The following PLEKHA6 variants were observed in gnomAD, a reference collection of about 807,000 sequenced individuals.
The protein encoded by PLEKHA6 is pleckstrin homology domain containing A6.
PLEKHA6 carries 60 observed loss-of-function variants against 116.7 expected under a neutral mutation model. The observed-to-expected ratio is 0.51, with a 90% CI of 0.42 to 0.64. PLEKHA6 has a LOEUF of 0.64. PLEKHA6 is among the 30% of genes least tolerant of loss of function. The probability of loss-of-function intolerance (pLI) is 0.00; values close to 1 mark genes in which losing one functional copy is unlikely to be tolerated. For synonymous variants in PLEKHA6, 489 were observed against 556.1 expected (o/e 0.88, Z 1.70); for missense variants, 1,338 against 1,422.7 (o/e 0.94, Z 0.96).
At chr1:204,241,004 C>G (rs1196365450) in intron 17 of PLEKHA6, among the ~76,000 whole-genome samples, 1 of 152,190 alleles carries the variant, frequency 6.6e-6, no homozygotes, top group Non-Finnish European at 1.5e-5. Flanking sequence ...CATCGGACTC[C>G]AAGTTCTTCA....
In PLEKHA6 at chr1:204,257,344, G is replaced by A; in HGVS notation, c.1524+9C>T. 1.3e-6 allele frequency: 2 copies of A among 1,558,558 alleles called. No individual in the cohort carries two copies. Among genetic ancestry groups the A allele is most frequent in the Non-Finnish European group, 1.7e-6 (2 of 1,150,552 alleles). ...GGGATGAGGAAGGAAGGGCAGGCTG[G>A]TGGCTCACCTTGGGGGAGCTGATGG... On this transcript the variant is annotated intron_variant, in intron 9 of 22. Transcript: ENST00000272203. This position sits in a 1 kb window ranked among gnomAD's most constrained non-coding sequence, Gnocchi z 6.5.
chr1:204,299,099 C>T (rs2103073776), intron 1 of PLEKHA6, among the ~76,000 whole-genome samples: 1 of 152,312 alleles, frequency 6.6e-6, no homozygotes, highest in East Asian at 1.9e-4. Context: ...TAATTAAATC[C>T]CCTCTGGGGC....
chr1:204,275,887 G>A (rs539664385), intron 1 of PLEKHA6: 10 of 177,462 alleles, frequency 5.6e-5, no homozygotes, highest in South Asian at 3.7e-4. Context: ...CCAAACTCCC[G>A]CAAGGAACAG....
At chr1:204,297,668 A>T (rs1012357216) in intron 1 of PLEKHA6, among the ~76,000 whole-genome samples, 1 of 152,128 alleles carries the variant, frequency 6.6e-6, no homozygotes, top group Non-Finnish European at 1.5e-5. Context: ...GGATTAAGTG[A>T]CTTAATTCAC....
At chr1:204,262,808 G>A (rs1319309219) in intron 6 of PLEKHA6, among the ~76,000 whole-genome samples, 1 of 152,208 alleles carries the variant, frequency 6.6e-6, no homozygotes, top group East Asian at 1.9e-4. Flanking sequence ...GCATGTAGGT[G>A]TGGGAGAGGG....
chr1:204,330,072 A>G (rs1672393528), intron 1 of PLEKHA6, among the ~76,000 whole-genome samples: 1 of 152,208 alleles, frequency 6.6e-6, no homozygotes, highest in Admixed American at 6.5e-5. Flanking sequence ...ATAAACAGTA[A>G]CAGGACAGTT....
At chr1:204,224,280 C>T (rs1462905094) in intron 21 of PLEKHA6, among the ~76,000 whole-genome samples, 1 of 151,806 alleles carries the variant, frequency 6.6e-6, no homozygotes, top group Admixed American at 6.6e-5. Flanking sequence ...TTAAGAATAG[C>T]AAAGTGGAAG....
chr1:204,256,072 A>T (rs974084958), intron 9 of PLEKHA6, among the ~76,000 whole-genome samples: 1 of 152,206 alleles, frequency 6.6e-6, no homozygotes, highest in African/African-American at 2.4e-5. Context: ...TGCTGTGGAC[A>T]CTGGCAGAGT....
chr1:204,248,316 G>A (rs771250159), intron 12 of PLEKHA6, among the ~76,000 whole-genome samples: 23 of 152,028 alleles, frequency 1.5e-4, no homozygotes, highest in Non-Finnish European at 2.9e-4. Flanking sequence ...CACCACAACC[G>A]GCTAATTTTG....
At chr1:204,286,418 G>A (rs1669183036) in intron 1 of PLEKHA6, among the ~76,000 whole-genome samples, 1 of 152,050 alleles carries the variant, frequency 6.6e-6, no homozygotes, top group Admixed American at 6.6e-5. Context: ...AGTACTCTGG[G>A]AGGGGAACAG....
intron 1 of PLEKHA6, chr1:204,313,730 C>G: frequency 1.0e-6 from 1 of 984,634 alleles, no homozygotes; most frequent in African/African-American, 1.7e-5. Context: ...TATCTGTCAT[C>G]TCCCTGGGAG....
chr1:204,225,953 C>T (rs1449216132), intron 21 of PLEKHA6, among the ~76,000 whole-genome samples: 1 of 152,236 alleles, frequency 6.6e-6, no homozygotes, highest in Non-Finnish European at 1.5e-5. Flanking sequence ...AGTCTGCACG[C>T]ACCGGGTGGA....
chr1:204,374,454 G>C (rs1283475810), intron 1 of PLEKHA6, among the ~76,000 whole-genome samples: 1 of 152,130 alleles, frequency 6.6e-6, no homozygotes, highest in Non-Finnish European at 1.5e-5. Context: ...GAAAAGATTA[G>C]GTGGGAGCTT....
In PLEKHA6 at chr1:204,259,643, G is replaced by A; in HGVS notation, c.622C>T (p.Arg208Ter). 6.2e-7 allele frequency: 1 copy of A among 1,614,138 alleles called. No homozygotes were observed. The highest frequency in any genetic ancestry group is 8.5e-7 in the Non-Finnish European group (1 of 1,180,026). The change falls in exon 8 of 23, where the codon CGA (arginine) becomes TGA (stop). Residue 208 changes from arginine to a stop codon, truncating the protein, a stop_gained. Coordinates refer to ENST00000272203, the MANE Select transcript of PLEKHA6 (RefSeq NM_014935.5). LOFTEE classifies it high-confidence loss of function. This position sits in a 1 kb window ranked among gnomAD's most constrained non-coding sequence, Gnocchi z 4.6. Reference protein sequence around the residue: ...LPKPEPEAKTRGEGDGRGCEK... With the variant: ...LPKPEPEAKT ...CAGCCTCGGCCATCACCCTCCCCTC[G>A]AGTCTTGGCCTCTGGCTCAGGCTTA...
rs1335829432 is a variant in PLEKHA6 at position 204,277,687 on chromosome 1, A to T, written c.-94-2878T>A. On this transcript the variant is annotated intron_variant, in intron 1 of 22. Coordinates refer to ENST00000272203, the MANE Select transcript of PLEKHA6 (RefSeq NM_014935.5). The surrounding 1 kb of genome is among the most constrained non-coding windows in gnomAD (Gnocchi z 4.1). ...TATTGCTGCCGCTGCTGAGAAGCTG[A>T]GATTGATTGAGCAGTTCTCCCTTCT... 2.0e-5 allele frequency: 3 copies of T among 152,186 alleles called. No individual in the cohort carries two copies. In the East Asian group the frequency reaches 5.8e-4, roughly 29 times the overall value. The allele number at this position is 152,186 out of a possible 1,614,324, so 9.4% of individuals were successfully genotyped here. A position where few individuals can be genotyped will look rare whatever the true frequency, so the allele number is the denominator to read the frequency against.
At chr1:204,244,279 G>A (rs556005038) in intron 15 of PLEKHA6, among the ~76,000 whole-genome samples, 4 of 150,382 alleles carry the variant, frequency 2.7e-5, no homozygotes, top group East Asian at 2.0e-4. Context: ...CTACAGGCGC[G>A]CGCCACCACG....
rs745908885 is a variant in PLEKHA6 at position 204,223,523 on chromosome 1, G to T, written c.3094C>A (p.Leu1032Met). 1.3e-6 allele frequency: 2 copies of T among 1,551,042 alleles called. No individual in the cohort carries two copies. Among genetic ancestry groups the T allele is most frequent in the South Asian group, 2.4e-5 (2 of 84,022 alleles). Reference sequence around the variant, plus strand: ...GCGCCCCGTGGGGATTCAGACGACAGGGGGTTTGCTGGAGGAGCCGGGGAA... The same window carrying T: ...GCGCCCCGTGGGGATTCAGACGACATGGGGTTTGCTGGAGGAGCCGGGGAA... The part of the protein sequence containing the change: ...PASPAPPANP[L>M]SSESPRGADS... Residue 1032 changes from leucine to methionine, a missense_variant, in exon 22 of 23, where the codon CTG becomes ATG. Leu to Met is a conservative substitution (Grantham distance 15). Coordinates refer to ENST00000272203, the MANE Select transcript of PLEKHA6 (RefSeq NM_014935.5). The surrounding 1 kb of genome is among the most constrained non-coding windows in gnomAD (Gnocchi z 4.8).
intron 18 of PLEKHA6, 116 bp from the exon 19 acceptor site, chr1:204,229,220 T>A (rs1249923837): frequency 1.0e-6 from 1 of 957,652 alleles, no homozygotes; most frequent in Non-Finnish European, 1.6e-6. Flanking sequence ...GCCACCCCAC[T>A]GCTCCCACCA....
rs141335305 is a variant in PLEKHA6, at chr1:204,306,015, T to G, written c.-94-31206A>C. On this transcript the variant is annotated intron_variant, in intron 1 of 22. Coordinates refer to ENST00000272203, the MANE Select transcript of PLEKHA6 (RefSeq NM_014935.5). ...TATCGACATTGAGAGTTGAGATCACTTGCCTGGCTGCAGCTTTGGAATGTG... is the reference window on the plus strand; with the variant it reads ...TATCGACATTGAGAGTTGAGATCACGTGCCTGGCTGCAGCTTTGGAATGTG... Among the ~76,000 whole-genome samples, 340 of 152,342 alleles carry G rather than the reference T, an allele frequency of 2.2e-3. 6 individuals carry two copies. The East Asian group carries it at 0.053, about 24-fold the overall frequency.
Sources: allele counts gnomAD v4.1 joint callset (sites outside exome capture counted in the v4.1 genomes callset), GRCh38; gene constraint gnomAD v4.1.1; non-coding constraint Gnocchi (gnomAD v3.1); transcripts MANE v1.5; gene names NCBI Gene and HGNC (gene_info 2026-07-23, HGNC 2026-07-21).